Variants in PRKCA observed in about 807,000 individuals in gnomAD.
The protein encoded by PRKCA is protein kinase C alpha type.
PRKCA carries 27 observed loss-of-function variants against 87.0 expected under a neutral mutation model. The observed-to-expected ratio is 0.31, with a 90% CI of 0.23 to 0.43. The LOEUF (loss-of-function observed/expected upper bound fraction) is 0.43, where lower values mean the gene tolerates loss of function less well. Among genes scored for constraint, PRKCA ranks in the 20% least tolerant of loss-of-function variants. PRKCA has a pLI of 1.00. For synonymous variants in PRKCA, 329 were observed against 311.1 expected (o/e 1.06, Z -0.61); for missense variants, 518 against 852.3 (o/e 0.61, Z 4.88).
At chr17:66,793,762 G>A (rs758385412) in intron 16 of PRKCA, among the ~76,000 whole-genome samples, 1 of 152,162 alleles carries the variant, frequency 6.6e-6, no homozygotes, top group African/African-American at 2.4e-5. Flanking sequence ...GGCACTGTGG[G>A]GAGGAGGGTA....
intron 2 of PRKCA, among the ~76,000 whole-genome samples, chr17:66,437,031 T>TG (rs1226640887): frequency 6.6e-6 from 1 of 152,020 alleles, no homozygotes; most frequent in Non-Finnish European, 1.5e-5. Flanking sequence ...AGGAAAAAGA[T>TG]GGAGTGGTGC....
rs1032359057 is a variant in PRKCA, at chr17:66,576,924, G to T, written c.289-64431G>T. 3.4e-5 allele frequency among the ~76,000 whole-genome samples: 5 copies of T among 149,024 alleles called. No individual in the cohort carries two copies. In the South Asian group the frequency reaches 1.1e-3, roughly 31 times the overall value. ...GGGTCTTGCTCTTTAACCCAGGCTGGAGTCCAGTGGTGCGATCTTGGCTCA... is the reference window on the plus strand; with the variant it reads ...GGGTCTTGCTCTTTAACCCAGGCTGTAGTCCAGTGGTGCGATCTTGGCTCA... On this transcript the variant is annotated intron_variant, in intron 3 of 16. Transcript: ENST00000413366.
At chr17:66,609,577 A>AT (rs1333977170) in intron 3 of PRKCA, among the ~76,000 whole-genome samples, 1 of 152,078 alleles carries the variant, frequency 6.6e-6, no homozygotes, top group Non-Finnish European at 1.5e-5. Flanking sequence ...TATCTTATTG[A>AT]TTTTGTCAGG....
intron 3 of PRKCA, among the ~76,000 whole-genome samples, chr17:66,572,718 A>G (rs188219141): frequency 3.9e-5 from 6 of 152,218 alleles, no homozygotes; most frequent in African/African-American, 1.2e-4. Context: ...GCTGGTCTCA[A>G]ACTTCTGGGC....
chr17:66,579,018 G>A (rs1969332824), intron 3 of PRKCA, among the ~76,000 whole-genome samples: 1 of 152,192 alleles, frequency 6.6e-6, no homozygotes, highest in Non-Finnish European at 1.5e-5. Flanking sequence ...TGCAGGCTGT[G>A]GCCTCTTGGG....
rs1201997301 is a variant in PRKCA, at chr17:66,612,768, C to A, written c.289-28587C>A. Among the ~76,000 whole-genome samples, 20 of 150,974 alleles carry A rather than the reference C, an allele frequency of 1.3e-4. 1 individual carries two copies. The highest frequency in any genetic ancestry group is 3.5e-3 in the Middle Eastern group (1 of 288). Reference sequence around the variant, plus strand: ...TCTTTAGCTAAGTTGTATGGAAACTCAAGAGATAAGTACCTCATTTGTGGT... The same window carrying A: ...TCTTTAGCTAAGTTGTATGGAAACTAAAGAGATAAGTACCTCATTTGTGGT... On this transcript the variant is annotated intron_variant, in intron 3 of 16. Transcript: ENST00000413366.
intron 5 of PRKCA, among the ~76,000 whole-genome samples, chr17:66,683,877 C>A (rs1481112921): frequency 6.6e-6 from 1 of 152,066 alleles, no homozygotes; most frequent in Non-Finnish European, 1.5e-5. Flanking sequence ...TGGGATTTGA[C>A]TCCACATCTT....
chr17:66,474,786 A>T (rs983943142), intron 2 of PRKCA, among the ~76,000 whole-genome samples: 2 of 152,158 alleles, frequency 1.3e-5, no homozygotes, highest in Admixed American at 6.5e-5. Flanking sequence ...TTCAGGATGG[A>T]TGTAGAAAAA....
At chr17:66,310,207 AT>A (rs11361111) in intron 2 of PRKCA, among the ~76,000 whole-genome samples, 22,241 of 145,196 alleles carry the variant, frequency 0.15, 1,674 homozygotes, top group South Asian at 0.23. Flanking sequence ...GTTTTCTCTA[AT>A]TTTTTTTTTT....
At chr17:66,549,288 T>C (rs72843701) in intron 3 of PRKCA, among the ~76,000 whole-genome samples, 8,899 of 152,168 alleles carry the variant, frequency 0.058, 330 homozygotes, top group Non-Finnish European at 0.084. Flanking sequence ...CTCGGATGCA[T>C]GCTCAGTCCT....
chr17:66,767,955 CTTGTT>C (rs985225479), intron 13 of PRKCA, among the ~76,000 whole-genome samples: 17 of 152,046 alleles, frequency 1.1e-4, no homozygotes, highest in African/African-American at 3.4e-4. Context: ...TTCCCACTGA[CTTGTT>C]TTGTTTTGTT....
intron 3 of PRKCA, among the ~76,000 whole-genome samples, chr17:66,499,771 A>G (rs1009706573): frequency 6.6e-6 from 1 of 152,114 alleles, no homozygotes; most frequent in African/African-American, 2.4e-5. Context: ...TGATTAGATG[A>G]ATTTTTTTTA....
intron 2 of PRKCA, among the ~76,000 whole-genome samples, chr17:66,315,277 G>A: frequency 6.6e-6 from 1 of 152,084 alleles, no homozygotes; most frequent in Admixed American, 6.6e-5. Flanking sequence ...TGAGGCACAG[G>A]GAGGTTTAGT....
chr17:66,667,319 A>G (rs989727831), intron 5 of PRKCA, among the ~76,000 whole-genome samples: 5 of 152,232 alleles, frequency 3.3e-5, no homozygotes, highest in African/African-American at 1.2e-4. Flanking sequence ...TACACTGCTA[A>G]TAAAGACATA....
At chr17:66,528,588 T>C (rs1967429669) in intron 3 of PRKCA, among the ~76,000 whole-genome samples, 1 of 152,118 alleles carries the variant, frequency 6.6e-6, no homozygotes, top group Non-Finnish European at 1.5e-5. Context: ...GACCTCTTAA[T>C]ACTGGAAAAG....
intron 8 of PRKCA, among the ~76,000 whole-genome samples, chr17:66,702,729 T>G (rs1395664068): frequency 6.6e-6 from 1 of 152,192 alleles, no homozygotes; most frequent in Non-Finnish European, 1.5e-5. Context: ...TATACAGGGA[T>G]GCCTTCTGAA....
chr17:66,778,494 C>A (rs751493094), intron 14 of PRKCA, among the ~76,000 whole-genome samples: 23 of 151,710 alleles, frequency 1.5e-4, no homozygotes, highest in Non-Finnish European at 2.8e-4. Flanking sequence ...GCAGCCTGGG[C>A]GACAGAGCGA....
Position 66,610,180 on chromosome 17 carries a change from T to G in PRKCA, c.289-31175T>G, listed in dbSNP as rs563753482. 1.3e-3 allele frequency among the ~76,000 whole-genome samples: 199 copies of G among 152,210 alleles called. 2 individuals are homozygous for G. Among genetic ancestry groups the G allele is most frequent in the Non-Finnish European group, 2.0e-3 (138 of 68,036 alleles). ...TAGGACAGCTCGCAGAACTCAGGAA[T>G]GCACGTTACTTACATTTACCAGTTT... is the stretch of plus-strand genomic sequence containing the variant. On this transcript the variant is annotated intron_variant, in intron 3 of 16. Coordinates refer to ENST00000413366, the MANE Select transcript of PRKCA (RefSeq NM_002737.3).
At chr17:66,386,744 A>G (rs8069142) in intron 2 of PRKCA, among the ~76,000 whole-genome samples, 33,158 of 152,164 alleles carry the variant, frequency 0.22, 3,780 homozygotes, top group Admixed American at 0.31. Flanking sequence ...CCCTACACAC[A>G]TTATACCAAG....
Sources: gnomAD v4.1 joint callset for allele counts (sites outside exome capture counted in the v4.1 genomes callset) on GRCh38, gnomAD v4.1.1 for gene constraint, MANE v1.5 for transcripts, NCBI Gene and HGNC (gene_info 2026-07-23, HGNC 2026-07-21) for gene names.